The following OXNAD1 variants were observed in gnomAD, a reference collection of about 807,000 sequenced individuals.
OXNAD1 encodes the protein oxidoreductase NAD binding domain containing 1.
A neutral mutation model predicts 32.9 loss-of-function variants in OXNAD1; 34 were observed. The ratio of observed to expected loss-of-function variants is 1.03; its 90% CI spans 0.79 to 1.38. OXNAD1 has a LOEUF of 1.38. Among genes scored for constraint, OXNAD1 ranks in the 40% most tolerant of loss-of-function variants. OXNAD1 has a pLI of 0.00. For synonymous variants in OXNAD1, 134 were observed against 135.2 expected (o/e 0.99, Z 0.06); for missense variants, 407 against 379.4 (o/e 1.07, Z -0.60).
At chr3:16,300,275 AGTAT>A (rs1453861762) in intron 6 of OXNAD1, among the ~76,000 whole-genome samples, 1 of 152,210 alleles carries the variant, frequency 6.6e-6, no homozygotes, top group Non-Finnish European at 1.5e-5. Flanking sequence ...ATAATCAAAG[AGTAT>A]GTATTTTAAA....
At chr3:16,268,967 A>G (rs960651920) in intron 1 of OXNAD1, among the ~76,000 whole-genome samples, 159 bp from the exon 2 acceptor site, 1 of 152,220 alleles carries the variant, frequency 6.6e-6, no homozygotes, top group African/African-American at 2.4e-5. Context: ...AAATGGAAGC[A>G]TGGAGGAAAG....
At chr3:16,318,546 G>A (rs1254048555) in intron 9 of OXNAD1, among the ~76,000 whole-genome samples, 2 of 152,090 alleles carry the variant, frequency 1.3e-5, no homozygotes, top group African/African-American at 4.8e-5. Context: ...AGTTTTCCAC[G>A]GTAGAGATCT....
downstream of OXNAD1, among the ~76,000 whole-genome samples, chr3:16,340,780 T>A (rs2071266396): frequency 6.6e-6 from 1 of 152,194 alleles, no homozygotes; most frequent in Admixed American, 6.5e-5. Flanking sequence ...CATCAAGAAT[T>A]TTCAAGGTGA....
intron 4 of OXNAD1, among the ~76,000 whole-genome samples, chr3:16,273,725 C>T (rs1473248715): frequency 1.3e-5 from 2 of 152,064 alleles, no homozygotes; most frequent in East Asian, 1.9e-4. Context: ...GACTAAGAAT[C>T]GGACTAATAG....
rs565787260 is a variant in OXNAD1 at position 16,279,926 on chromosome 3, A to C, written c.184-6416A>C. 9.2e-5 allele frequency among the ~76,000 whole-genome samples: 14 copies of C among 152,228 alleles called. No homozygotes were observed. The East Asian group carries it at 1.2e-3, about 13-fold the overall frequency. On this transcript the variant is annotated intron_variant, in intron 4 of 8. Coordinates refer to ENST00000285083, the MANE Select transcript of OXNAD1 (RefSeq NM_138381.5). ...GAATGGGAGCAGAGAAATGGGGTGA[A>C]AGCTGGATTAAAGGAGAAGCTTGTT... is the stretch of plus-strand genomic sequence containing the variant.
Position 16,329,855 on chromosome 3 carries a change from A to C in OXNAD1, c.*31-7257A>C, listed in dbSNP as rs1436227696. Reference sequence around the variant, plus strand: ...GGCGCCTCACAAAGCCCTGAGTGGCAGAATGGAGTCCTTTTATTGGTGGCT... The same window carrying C: ...GGCGCCTCACAAAGCCCTGAGTGGCCGAATGGAGTCCTTTTATTGGTGGCT... On this transcript the variant is annotated intron_variant, in intron 9 of 9. Transcript: ENST00000435829. This position sits in a 1 kb window ranked among gnomAD's most constrained non-coding sequence, Gnocchi z 4.5. Among the ~76,000 whole-genome samples, 4 of 152,170 alleles carry C rather than the reference A, an allele frequency of 2.6e-5. No homozygotes were observed. The highest frequency in any genetic ancestry group is 4.4e-5 in the Non-Finnish European group (3 of 68,024).
chr3:16,306,762 T>C (rs887042126), downstream of OXNAD1, among the ~76,000 whole-genome samples: 6 of 152,344 alleles, frequency 3.9e-5, no homozygotes, highest in Middle Eastern at 3.4e-3. Context: ...CTTGTTTATA[T>C]TCGGATTCAA....
chr3:16,291,051 C>T (rs2066397822), intron 5 of OXNAD1, among the ~76,000 whole-genome samples: 1 of 151,894 alleles, frequency 6.6e-6, no homozygotes, highest in South Asian at 2.1e-4. Context: ...CTAGAATCCT[C>T]ACCAAAAAAG....
rs2064464409 is a variant in OXNAD1, at chr3:16,265,948, C to T, written c.-159+443C>T. 3 of 963,940 alleles carry T rather than the reference C, an allele frequency of 3.1e-6. No homozygotes were observed. Among genetic ancestry groups the T allele is most frequent in the Non-Finnish European group, 3.7e-6 (3 of 810,440 alleles). The allele number at this position is 963,940 out of a possible 1,614,324, so 59.7% of individuals were successfully genotyped here. ...CCTATGTATGCCTTGAAGCGAAATG[C>T]AGATAAAAGGCATTTTTGTCTTGAA... On this transcript the variant is annotated intron_variant, in intron 1 of 8. Transcript: ENST00000285083. This position sits in a 1 kb window ranked among gnomAD's most constrained non-coding sequence, Gnocchi z 4.8.
intron 4 of OXNAD1, among the ~76,000 whole-genome samples, chr3:16,274,810 A>C (rs1316886332): frequency 6.6e-6 from 1 of 152,194 alleles, no homozygotes; most frequent in Non-Finnish European, 1.5e-5. Context: ...GAATCGTACC[A>C]TTTATTCACC....
downstream of OXNAD1, among the ~76,000 whole-genome samples, chr3:16,342,131 C>T (rs1283081853): frequency 6.6e-6 from 1 of 152,178 alleles, no homozygotes; most frequent in African/African-American, 2.4e-5. This position sits in a 1 kb window ranked among gnomAD's most constrained non-coding sequence, Gnocchi z 4.0. Flanking sequence ...ACCATCACCA[C>T]AATCTAAGTT....
rs1349427977 is a variant in OXNAD1 at position 16,317,678 on chromosome 3, C to G, written c.*30+14086C>G. 6.6e-6 allele frequency among the ~76,000 whole-genome samples: 1 copy of G among 152,160 alleles called. No homozygotes were observed. The highest frequency in any genetic ancestry group is 2.4e-5 in the African/African-American group (1 of 41,442). ...GGGCTGGCATTCTCTCACTAGGTCA[C>G]CTGAGTAAGGCAGGGCCCAGAACAT... On this transcript the variant is annotated intron_variant, in intron 9 of 9. Coordinates refer to the OXNAD1 transcript ENST00000435829. This position sits in a 1 kb window ranked among gnomAD's most constrained non-coding sequence, Gnocchi z 4.3.
intron 1 of OXNAD1, among the ~76,000 whole-genome samples, chr3:16,266,927 C>G (rs752922306): frequency 5.9e-5 from 9 of 152,210 alleles, no homozygotes; most frequent in Non-Finnish European, 1.2e-4. Flanking sequence ...GAGCCCAGTT[C>G]CGCTGATTTC....
rs955154831 is a variant in OXNAD1, at chr3:16,327,854, C to T, written c.*31-9258C>T. ...GCCCCTGCACTGGCTTCCACCTCTGCAGGCGTTCTCACTGCAACAGGCCTC... is the reference window on the plus strand; with the variant it reads ...GCCCCTGCACTGGCTTCCACCTCTGTAGGCGTTCTCACTGCAACAGGCCTC... On this transcript the variant is annotated intron_variant, in intron 9 of 9. Coordinates refer to the OXNAD1 transcript ENST00000435829. The surrounding 1 kb of genome is among the most constrained non-coding windows in gnomAD (Gnocchi z 4.2). 6.6e-6 allele frequency among the ~76,000 whole-genome samples: 1 copy of T among 152,200 alleles called. No individual in the cohort carries two copies. The highest frequency in any genetic ancestry group is 1.5e-5 in the Non-Finnish European group (1 of 68,030).
intron 6 of OXNAD1, among the ~76,000 whole-genome samples, chr3:16,296,075 C>T (rs948065319): frequency 2.6e-5 from 4 of 152,236 alleles, no homozygotes; most frequent in East Asian, 1.9e-4. Context: ...AACACAGTTG[C>T]GTTTTGTGGC....
rs1323119495 is a variant in OXNAD1, at chr3:16,312,970, A to T, written c.*30+9378A>T. On this transcript the variant is annotated intron_variant, in intron 9 of 9. Transcript: ENST00000435829. This position sits in a 1 kb window ranked among gnomAD's most constrained non-coding sequence, Gnocchi z 4.7. ...TATTTCTGTTAAGATGGGATATACT[A>T]CGCTTCAGTAGCCAATAAATCTCAA... Among the ~76,000 whole-genome samples the T allele has an allele frequency of 6.6e-6, 1 of 152,122 alleles. No individual in the cohort carries two copies. The highest frequency in any genetic ancestry group is 1.5e-5 in the Non-Finnish European group (1 of 68,026).
Position 16,288,142 on chromosome 3 carries a change from G to A in OXNAD1, c.290+1694G>A, listed in dbSNP as rs1056913304. Among the ~76,000 whole-genome samples the A allele has an allele frequency of 6.6e-6, 1 of 152,184 alleles. No individual in the cohort carries two copies. The highest frequency in any genetic ancestry group is 1.5e-5 in the Non-Finnish European group (1 of 68,038). On this transcript the variant is annotated intron_variant, in intron 5 of 8. Transcript: ENST00000285083. The surrounding 1 kb of genome is among the most constrained non-coding windows in gnomAD (Gnocchi z 5.1). ...ACAGAATGGCCATTTTGCTGAGGTT[G>A]GCGGTGTCTGTCCCTTCCATGCTGT...
At chr3:16,272,199 C>A (rs541113363) in intron 4 of OXNAD1, 63 of 449,752 alleles carry the variant, frequency 1.4e-4, no homozygotes, top group African/African-American at 1.1e-3. Flanking sequence ...GGAAAGTGGA[C>A]GAGCTCTTGT....
In OXNAD1 at chr3:16,304,436, C is replaced by G. The variant is rs999379739; in HGVS notation, c.*874C>G. The G allele has an allele frequency of 3.3e-5, 5 of 152,210 alleles. No homozygotes were observed. The highest frequency in any genetic ancestry group is 7.3e-5 in the Non-Finnish European group (5 of 68,050). 9.4% of individuals were successfully genotyped at this position (152,210 alleles called of 1,614,324 possible). A position where few individuals can be genotyped will look rare whatever the true frequency, so the allele number is the denominator to read the frequency against. ...AGAATTGTTCTTGGCACCAGCAGCT[C>G]CTTAACATATAGTTGTTGAATGACT... On this transcript the variant is annotated 3_prime_UTR_variant, in exon 9 of 9. Transcript: ENST00000285083. This position sits in a 1 kb window ranked among gnomAD's most constrained non-coding sequence, Gnocchi z 4.6.
Sources: allele counts gnomAD v4.1 joint callset (sites outside exome capture counted in the v4.1 genomes callset), GRCh38; gene constraint gnomAD v4.1.1; non-coding constraint Gnocchi (gnomAD v3.1); transcripts MANE v1.5; gene names NCBI Gene and HGNC (gene_info 2026-07-23, HGNC 2026-07-21).